Variants in TAOK1 observed in about 807,000 individuals in gnomAD.
TAOK1 encodes TAO kinase 1, also known as serine/threonine-protein kinase TAO1.
A neutral mutation model predicts 138.3 loss-of-function variants in TAOK1; 21 were observed. That is an observed-to-expected ratio of 0.15 (90% confidence interval 0.11 to 0.22). The LOEUF (loss-of-function observed/expected upper bound fraction) is 0.22. TAOK1 is among the 10% of genes least tolerant of loss of function. The pLI, the probability that TAOK1 is intolerant of heterozygous loss-of-function variation, is 1.00. For synonymous variants in TAOK1, 361 were observed against 398.4 expected, an observed-to-expected ratio of 0.91 and a Z score of 1.12; for missense variants, 651 against 1,227.7, an observed-to-expected ratio of 0.53 and a Z score of 7.02.
intron 1 of TAOK1, among the ~76,000 whole-genome samples, chr17:29,434,317 A>T (rs1905956643): frequency 6.6e-6 from 1 of 152,100 alleles, no homozygotes; most frequent in Non-Finnish European, 1.5e-5. Context: ...TAGTGAAGAG[A>T]GAACTGAGGA....
intron 1 of TAOK1, among the ~76,000 whole-genome samples, chr17:29,427,177 GA>G (rs2153022297): frequency 6.6e-6 from 1 of 152,264 alleles, no homozygotes; most frequent in African/African-American, 2.4e-5. Context: ...AATAAGTTTA[GA>G]AATGTAGTTT....
chr17:29,497,882 G>A (rs533949), intron 11 of TAOK1, among the ~76,000 whole-genome samples: 2 of 151,414 alleles, frequency 1.3e-5, no homozygotes, highest in Non-Finnish European at 1.5e-5. Flanking sequence ...GCAGGGCTAC[G>A]CCGTAGGCAC....
chr17:29,404,980 A>G (rs966549782), intron 1 of TAOK1, among the ~76,000 whole-genome samples: 4 of 152,110 alleles, frequency 2.6e-5, no homozygotes, highest in African/African-American at 9.7e-5. Flanking sequence ...AATTTTTGAA[A>G]CAGTGTCCTT....
chr17:29,498,493 C>G lies in TAOK1; in HGVS notation c.1175C>G (p.Ser392Cys). The change falls in exon 12 of 20, where the codon TCT becomes TGT. Residue 392 changes from serine to cysteine, a missense_variant. Around this residue, in one of 8 missense-constraint regions of TAOK1, gnomAD observed 104 missense variants for 151.7 expected, o/e 0.69. Transcript: ENST00000261716. Reference sequence around the variant, plus strand: ...ATGGAGGGAGACCACACAGTGATGTCTAACAGTTCTGTTATCCATTTAAAA... The same window carrying G: ...ATGGAGGGAGACCACACAGTGATGTGTAACAGTTCTGTTATCCATTTAAAA... ...DMMEGDHTVM[S>C]NSSVIHLKPE... 6.2e-7 allele frequency: 1 copy of G among 1,614,154 alleles called. No homozygotes were observed. The highest frequency in any genetic ancestry group is 8.5e-7 in the Non-Finnish European group (1 of 1,180,024).
At position 29,393,362 on chromosome 17, in the gene TAOK1, AT is replaced by A. The variant is rs1246360925; in HGVS notation, c.-95+2339del. On this transcript the variant is annotated intron_variant, in intron 1 of 19. Coordinates refer to ENST00000261716, the MANE Select transcript of TAOK1 (RefSeq NM_020791.4). Reference sequence around the variant, plus strand: ...TTTACTTGCTATATTTCAGCATGCTATAACTAAGGACAACTGAAAAAAAAAC... The same window carrying A: ...TTTACTTGCTATATTTCAGCATGCTAAACTAAGGACAACTGAAAAAAAAAC... Among the ~76,000 whole-genome samples the A allele has an allele frequency of 3.9e-5, 6 of 152,318 alleles. No individual in the cohort carries two copies. In the East Asian group the frequency reaches 1.2e-3, roughly 29 times the overall value.
chr17:29,537,917 G>A (rs944762758), intron 19 of TAOK1, among the ~76,000 whole-genome samples: 1 of 151,958 alleles, frequency 6.6e-6, no homozygotes, highest in African/African-American at 2.4e-5. Context: ...TTCAAGACCA[G>A]CCTGGCCAAC....
intron 13 of TAOK1, among the ~76,000 whole-genome samples, chr17:29,503,260 G>C (rs1433439619): frequency 1.3e-5 from 2 of 151,978 alleles, no homozygotes; most frequent in African/African-American, 2.4e-5. Flanking sequence ...GCCGGGCGTG[G>C]TGGCAGGAGC....
chr17:29,474,730 T>C (rs1465263171), intron 3 of TAOK1, among the ~76,000 whole-genome samples: 6 of 152,172 alleles, frequency 3.9e-5, no homozygotes, highest in African/African-American at 1.2e-4. Flanking sequence ...GATGAAAAAG[T>C]TTCAAATATT....
chr17:29,495,227 T>G (rs1431683129), intron 10 of TAOK1, among the ~76,000 whole-genome samples: 1 of 152,156 alleles, frequency 6.6e-6, no homozygotes, highest in East Asian at 1.9e-4. Context: ...GAACATGTCT[T>G]TTGTGTGAAA....
intron 8 of TAOK1, among the ~76,000 whole-genome samples, chr17:29,487,337 A>G (rs2031194407): frequency 6.6e-6 from 1 of 151,458 alleles, no homozygotes; most frequent in Non-Finnish European, 1.5e-5. Context: ...AATAAACACT[A>G]TGGTGTTAGA....
At chr17:29,480,506 A>C (rs368082855) in intron 7 of TAOK1, 25 bp downstream of exon 7, 9 of 1,552,492 alleles carry the variant, frequency 5.8e-6, no homozygotes, top group Non-Finnish European at 8.0e-6. Context: ...AGCAGTCAGC[A>C]GCTGTTTTAA....
chr17:29,548,336 G>A lies in TAOK1; in HGVS notation c.*5314G>A, dbSNP rs2032435359. 1 of 152,020 alleles carries A rather than the reference G, an allele frequency of 6.6e-6. No individual in the cohort carries two copies. Among genetic ancestry groups the A allele is most frequent in the Non-Finnish European group, 1.5e-5 (1 of 67,968 alleles). The allele number at this position is 152,020 out of a possible 1,614,324, so 9.4% of individuals were successfully genotyped here. On this transcript the variant is annotated 3_prime_UTR_variant, in exon 20 of 20. Coordinates refer to ENST00000261716, the MANE Select transcript of TAOK1 (RefSeq NM_020791.4). ...AAAGGCAGAGAATTAAAACTGGGGA[G>A]CCATTTACTATGTCACCATCACTGT...
chr17:29,421,175 C>T (rs960928210), intron 1 of TAOK1, among the ~76,000 whole-genome samples: 2 of 152,040 alleles, frequency 1.3e-5, no homozygotes, highest in African/African-American at 2.4e-5. Flanking sequence ...GTGATCCGCC[C>T]GCCTTGGCCT....
intron 1 of TAOK1, among the ~76,000 whole-genome samples, chr17:29,447,565 C>G (rs560917928): frequency 6.6e-6 from 1 of 152,040 alleles, no homozygotes; most frequent in Non-Finnish European, 1.5e-5. Context: ...TCTCAAGCTC[C>G]TGACCTCAAG....
intron 2 of TAOK1, among the ~76,000 whole-genome samples, chr17:29,465,578 A>C (rs2030642045): frequency 6.6e-6 from 1 of 152,082 alleles, no homozygotes; most frequent in Non-Finnish European, 1.5e-5. Context: ...TGTACAGTTC[A>C]ATTATTTTTA....
chr17:29,537,901 C>A (rs1314072583), intron 19 of TAOK1, among the ~76,000 whole-genome samples: 1 of 151,904 alleles, frequency 6.6e-6, no homozygotes, highest in African/African-American at 2.4e-5. Context: ...ATCACAAGGT[C>A]AGGAGTTCAA....
intron 14 of TAOK1, among the ~76,000 whole-genome samples, chr17:29,509,111 A>G (rs1161785656): frequency 1.3e-5 from 2 of 152,136 alleles, no homozygotes; most frequent in Non-Finnish European, 2.9e-5. Context: ...TGATGAAACA[A>G]TGTATACATA....
At chr17:29,409,331 A>ATG in intron 1 of TAOK1, among the ~76,000 whole-genome samples, 1 of 60,296 alleles carries the variant, frequency 1.7e-5, no homozygotes, top group African/African-American at 5.8e-5. Context: ...ATATATATAT[A>ATG]TATTTTTTTT....
At chr17:29,455,665 G>A (rs963207511) in intron 2 of TAOK1, among the ~76,000 whole-genome samples, 10 of 149,780 alleles carry the variant, frequency 6.7e-5, no homozygotes, top group Admixed American at 2.6e-4. Context: ...GTTTTTTTGA[G>A]TGTTTTTATC....
Sources: allele counts gnomAD v4.1 joint callset (sites outside exome capture counted in the v4.1 genomes callset), GRCh38; gene constraint gnomAD v4.1.1; regional missense constraint gnomAD v4.1.1; transcripts MANE v1.5; gene names NCBI Gene and HGNC (gene_info 2026-07-23, HGNC 2026-07-21).